The following NKAIN2 variants were observed in gnomAD, a reference collection of about 807,000 sequenced individuals.
NKAIN2 encodes the protein sodium/potassium transporting ATPase interacting 2.
NKAIN2 carries 14 observed loss-of-function variants against 32.6 expected under a neutral mutation model. The observed-to-expected ratio is 0.43, with a 90% CI of 0.28 to 0.67. The LOEUF (loss-of-function observed/expected upper bound fraction) is 0.67, where lower values mean the gene tolerates loss of function less well. NKAIN2 is among the 30% of genes least tolerant of loss of function. NKAIN2 has a pLI of 0.17. For synonymous variants in NKAIN2, 80 were observed against 87.2 expected, an observed-to-expected ratio of 0.92 and a Z score of 0.46; for missense variants, 198 against 258.3, an observed-to-expected ratio of 0.77 and a Z score of 1.60.
intron 4 of NKAIN2, among the ~76,000 whole-genome samples, chr6:124,709,751 A>G (rs1476727518): frequency 3.3e-5 from 5 of 151,516 alleles, no homozygotes; most frequent in Non-Finnish European, 7.4e-5. Context: ...CCAGCAGTCT[A>G]TCAATTTTAT....
intron 2 of NKAIN2, among the ~76,000 whole-genome samples, chr6:124,354,966 A>G (rs1391491285): frequency 6.6e-6 from 1 of 151,240 alleles, no homozygotes; most frequent in African/African-American, 2.4e-5. Context: ...GCTATTCGGG[A>G]GGCTGAGGGT....
intron 2 of NKAIN2, among the ~76,000 whole-genome samples, chr6:124,345,199 G>A (rs1368140419): frequency 6.6e-6 from 1 of 152,086 alleles, no homozygotes; most frequent in Admixed American, 6.6e-5. Flanking sequence ...GATCTTGGTG[G>A]ACAAGCTTTT....
chr6:124,397,266 T>A (rs1392153183), intron 3 of NKAIN2, among the ~76,000 whole-genome samples: 2 of 152,024 alleles, frequency 1.3e-5, no homozygotes, highest in African/African-American at 4.8e-5. Flanking sequence ...TTAAATAATA[T>A]AAATAAATGT....
At chr6:124,712,332 G>A (rs1417181328) in intron 4 of NKAIN2, among the ~76,000 whole-genome samples, 1 of 116,832 alleles carries the variant, frequency 8.6e-6, no homozygotes, top group Non-Finnish European at 1.8e-5. Flanking sequence ...TCCTTGAGCT[G>A]TGGTGGGCTC....
chr6:124,806,429 A>G (rs1041077564), intron 5 of NKAIN2, among the ~76,000 whole-genome samples: 24 of 152,078 alleles, frequency 1.6e-4, no homozygotes, highest in African/African-American at 5.6e-4. Context: ...CTTTACAGAC[A>G]AGCAAATGCT....
intron 3 of NKAIN2, among the ~76,000 whole-genome samples, chr6:124,402,299 T>G (rs191528613): frequency 1.3e-5 from 2 of 152,300 alleles, no homozygotes; most frequent in East Asian, 3.9e-4. Flanking sequence ...TAAGTTGGTT[T>G]TATGAGTGGC....
At chr6:123,914,015 T>C (rs573538199) in intron 1 of NKAIN2, among the ~76,000 whole-genome samples, 64 of 152,150 alleles carry the variant, frequency 4.2e-4, no homozygotes, top group Non-Finnish European at 6.2e-4. Flanking sequence ...TAGCTCTCTG[T>C]ATTAGTCAGC....
intron 1 of NKAIN2, among the ~76,000 whole-genome samples, chr6:123,907,928 A>G (rs1774972526): frequency 6.6e-6 from 1 of 152,178 alleles, no homozygotes; most frequent in African/African-American, 2.4e-5. Flanking sequence ...AAAATCAGTA[A>G]TTGTCATTCC....
chr6:124,358,428 C>T (rs887767588), intron 3 of NKAIN2, among the ~76,000 whole-genome samples: 80 of 152,160 alleles, frequency 5.3e-4, no homozygotes, highest in Admixed American at 2.1e-3. Context: ...CACATCCTCT[C>T]CAGCACCTGT....
intron 3 of NKAIN2, among the ~76,000 whole-genome samples, chr6:124,495,039 TA>T (rs1412573861): frequency 6.6e-6 from 1 of 152,158 alleles, no homozygotes. Context: ...AATGTTATAA[TA>T]AATGCCTATT....
chr6:124,333,356 A>G (rs1381066536), intron 2 of NKAIN2, among the ~76,000 whole-genome samples: 2 of 152,134 alleles, frequency 1.3e-5, no homozygotes, highest in Non-Finnish European at 2.9e-5. Context: ...CACTTAAAAT[A>G]GGGAATAAAA....
intron 1 of NKAIN2, among the ~76,000 whole-genome samples, chr6:123,943,809 T>C (rs1342559355): frequency 6.6e-6 from 1 of 152,046 alleles, no homozygotes; most frequent in Non-Finnish European, 1.5e-5. Flanking sequence ...TTTGGAGATA[T>C]TTTATAAGGG....
At chr6:123,944,126 C>T (rs1007168306) in intron 1 of NKAIN2, among the ~76,000 whole-genome samples, 2 of 151,974 alleles carry the variant, frequency 1.3e-5, no homozygotes, top group African/African-American at 4.8e-5. Context: ...GTCCTTTGTT[C>T]TTCTTCAATA....
intron 1 of NKAIN2, among the ~76,000 whole-genome samples, chr6:124,186,041 G>A (rs1206919149): frequency 6.6e-6 from 1 of 151,750 alleles, no homozygotes; most frequent in African/African-American, 2.4e-5. Flanking sequence ...CAGTGCTTTG[G>A]GAGGCCAAGT....
At chr6:123,872,465 C>T (rs956491012) in intron 1 of NKAIN2, among the ~76,000 whole-genome samples, 9 of 152,192 alleles carry the variant, frequency 5.9e-5, no homozygotes, top group Non-Finnish European at 1.0e-4. Flanking sequence ...AGATGGGATC[C>T]AGCAGCTTGA....
intron 1 of NKAIN2, among the ~76,000 whole-genome samples, chr6:124,100,030 T>A (rs975758006): frequency 6.6e-6 from 1 of 152,226 alleles, no homozygotes; most frequent in African/African-American, 2.4e-5. Context: ...ACCTTCATTC[T>A]TGTGATTGGA....
intron 3 of NKAIN2, among the ~76,000 whole-genome samples, chr6:124,367,790 C>T (rs1201747071): frequency 6.6e-6 from 1 of 152,010 alleles, no homozygotes; most frequent in Non-Finnish European, 1.5e-5. Flanking sequence ...AAATTCATCA[C>T]CTGATGTATC....
intron 3 of NKAIN2, among the ~76,000 whole-genome samples, chr6:124,485,874 A>G (rs1374679307): frequency 6.6e-6 from 1 of 152,168 alleles, no homozygotes; most frequent in African/African-American, 2.4e-5. Context: ...AACTAGGTTG[A>G]TGTCTTGAAG....
intron 1 of NKAIN2, among the ~76,000 whole-genome samples, chr6:124,233,468 A>T (rs9491092): frequency 0.011 from 1,684 of 152,274 alleles, 29 homozygotes; most frequent in African/African-American, 0.039. Flanking sequence ...CCAAAGCAAG[A>T]TAACTAAAAT....
Sources: gnomAD v4.1 joint callset for allele counts (sites outside exome capture counted in the v4.1 genomes callset) on GRCh38, gnomAD v4.1.1 for gene constraint, MANE v1.5 for transcripts, NCBI Gene and HGNC (gene_info 2026-07-23, HGNC 2026-07-21) for gene names.